Variants in SKA2 observed in about 807,000 individuals in gnomAD.
The protein encoded by SKA2 is spindle and kinetochore-associated protein 2.
A neutral mutation model predicts 16.9 loss-of-function variants in SKA2; 13 were observed. The observed-to-expected ratio is 0.77, with a 90% confidence interval of 0.50 to 1.22. The LOEUF (loss-of-function observed/expected upper bound fraction) is 1.22, where lower values mean the gene tolerates loss of function less well. SKA2 is among the 50% of genes most tolerant of loss of function. The pLI is 0.00. For synonymous variants in SKA2, 47 were observed against 48.5 expected, an observed-to-expected ratio of 0.97 and a Z score of 0.13; for missense variants, 107 against 139.7, an observed-to-expected ratio of 0.77 and a Z score of 1.18.
At chr17:59,146,336 T>TA (rs1279613070) in intron 1 of SKA2, among the ~76,000 whole-genome samples, 2 of 151,994 alleles carry the variant, frequency 1.3e-5, no homozygotes, top group African/African-American at 4.8e-5. Context: ...CCGTCACTAC[T>TA]AAAAATACAA....
At chr17:59,134,231 A>C (rs148447832) in intron 1 of SKA2, among the ~76,000 whole-genome samples, 24 of 152,330 alleles carry the variant, frequency 1.6e-4, no homozygotes, top group African/African-American at 5.8e-4. Context: ...AGAGCAAATC[A>C]AAGTTAACAA....
At chr17:59,154,849 C>T (rs982296200) in intron 1 of SKA2, 1 of 1,238,820 alleles carries the variant, frequency 8.1e-7, no homozygotes, top group Non-Finnish European at 1.1e-6. Context: ...GGCGCAGTTT[C>T]GTAAGGGGTG....
chr17:59,110,747 C>G lies in SKA2; in HGVS notation c.*1530G>C, dbSNP rs1372817368. 2 of 146,342 alleles carry G rather than the reference C, an allele frequency of 1.4e-5. No homozygotes were observed. Among genetic ancestry groups the G allele is most frequent in the African/African-American group, 2.6e-5 (1 of 38,910 alleles). The allele number at this position is 146,342 out of a possible 1,614,324, so 9.1% of individuals were successfully genotyped here. On this transcript the variant is annotated 3_prime_UTR_variant, in exon 4 of 4. Coordinates refer to ENST00000330137, the MANE Select transcript of SKA2 (RefSeq NM_182620.4). ...GAGGTTGCAGTGAGCTGAGAGCGTA[C>G]CACTGCATTCCAGCCTGGGCAACAG... is the stretch of plus-strand genomic sequence containing the variant.
rs191435254 is a variant in SKA2 at position 59,150,705 on chromosome 17, G to A, written c.33+4426C>T. Among the ~76,000 whole-genome samples, 21 of 152,174 alleles carry A rather than the reference G, an allele frequency of 1.4e-4. No individual in the cohort carries two copies. In the East Asian group the frequency reaches 3.9e-3, roughly 28 times the overall value. On this transcript the variant is annotated intron_variant, in intron 1 of 3. Transcript: ENST00000330137. ...TGCAGTGAGGTGTAACTGGGCCACT[G>A]CACTCCAGCCTGGGCAACAGAGAAA... is the stretch of plus-strand genomic sequence containing the variant.
rs1012870500 is a variant in SKA2, at chr17:59,136,258, G to A, written c.34-4891C>T. On this transcript the variant is annotated intron_variant, in intron 1 of 3. Transcript: ENST00000330137. ...GCTCACTGCAACCTCTACCTCCCAG[G>A]TTCAAGAGATTCTCCTGCCTCAGCC... Among the ~76,000 whole-genome samples the A allele has an allele frequency of 3.3e-5, 5 of 151,974 alleles. No homozygotes were observed. The South Asian group carries it at 8.3e-4, about 25-fold the overall frequency.
intron 2 of SKA2, among the ~76,000 whole-genome samples, chr17:59,127,909 G>A (rs2046382633): frequency 1.3e-5 from 2 of 152,130 alleles, no homozygotes; most frequent in Non-Finnish European, 2.9e-5. Flanking sequence ...ACCATCAACT[G>A]ATGACTGGAT....
At chr17:59,140,387 C>A (rs977611352) in intron 1 of SKA2, among the ~76,000 whole-genome samples, 1 of 151,998 alleles carries the variant, frequency 6.6e-6, no homozygotes, top group African/African-American at 2.4e-5. Flanking sequence ...TGCCACCATG[C>A]CTGGCTAATT....
chr17:59,119,304 A>C lies in SKA2; in HGVS notation c.297+15T>G. 6.2e-7 allele frequency: 1 copy of C among 1,612,464 alleles called. No homozygotes were observed. The highest frequency in any genetic ancestry group is 1.1e-5 in the South Asian group (1 of 90,872). The stretch of plus-strand genomic sequence containing the variant: ...TAAAGCTAAACAAATCTAACCTGTC[A>C]ACTGAAAGCATTACCTCCAGGTCTG... On this transcript the variant is annotated intron_variant, in intron 3 of 3. Transcript: ENST00000330137.
intron 1 of SKA2, 58 bp downstream of exon 1, chr17:59,155,073 T>C: frequency 6.2e-7 from 1 of 1,613,986 alleles, no homozygotes. Flanking sequence ...GTGCCCCACC[T>C]CCGAGGCCAT....
chr17:59,154,578 A>T (rs1287242333), intron 1 of SKA2, among the ~76,000 whole-genome samples: 1 of 152,148 alleles, frequency 6.6e-6, no homozygotes, highest in Non-Finnish European at 1.5e-5. Context: ...CCACCTCCGG[A>T]TCAAACAGAA....
At chr17:59,150,995 GTTTT>G in intron 1 of SKA2, 2 of 310,716 alleles carry the variant, frequency 6.4e-6, no homozygotes, top group South Asian at 5.1e-5. Flanking sequence ...TAGTTAAAAG[GTTTT>G]TTTTTTTCAA....
intron 2 of SKA2, chr17:59,129,247 A>AGG (rs2046393027): frequency 6.6e-6 from 1 of 151,854 alleles, no homozygotes; most frequent in Admixed American, 6.6e-5. Context: ...CACTTGGCGG[A>AGG]CTGAGGTGGG....
At chr17:59,147,753 C>T (rs1293347442) in intron 1 of SKA2, among the ~76,000 whole-genome samples, 2 of 150,066 alleles carry the variant, frequency 1.3e-5, no homozygotes, top group Admixed American at 6.7e-5. Context: ...TGTGAGCCAC[C>T]GTGCCTGGCC....
intron 2 of SKA2, among the ~76,000 whole-genome samples, chr17:59,126,773 C>T (rs1296131832): frequency 6.6e-6 from 1 of 152,012 alleles, no homozygotes; most frequent in Non-Finnish European, 1.5e-5. Flanking sequence ...GGGTATAAAC[C>T]CGAAAGTTGA....
chr17:59,129,291 G>C (rs2046393317), intron 2 of SKA2: 1 of 151,812 alleles, frequency 6.6e-6, no homozygotes, highest in Non-Finnish European at 1.5e-5. Context: ...CAAGGCTGAA[G>C]TGAGCTGAGA....
At chr17:59,154,332 C>T (rs2046603570) in intron 1 of SKA2, among the ~76,000 whole-genome samples, 1 of 152,146 alleles carries the variant, frequency 6.6e-6, no homozygotes, top group South Asian at 2.1e-4. Flanking sequence ...GGGACGGATC[C>T]TTAAAGAAAA....
At chr17:59,117,881 T>C (rs988275735) in intron 3 of SKA2, 36 of 152,210 alleles carry the variant, frequency 2.4e-4, no homozygotes, top group African/African-American at 8.4e-4. Flanking sequence ...AAGTAAAAGC[T>C]CCCTTAGTTT....
At chr17:59,147,829 C>CAA (rs536221750) in intron 1 of SKA2, among the ~76,000 whole-genome samples, 10 of 105,190 alleles carry the variant, frequency 9.5e-5, no homozygotes, top group African/African-American at 2.7e-4. Context: ...TTGTTTTAAG[C>CAA]AAAAAAAAAA....
At chr17:59,149,868 G>C (rs1447452206) in intron 1 of SKA2, among the ~76,000 whole-genome samples, 1 of 152,098 alleles carries the variant, frequency 6.6e-6, no homozygotes. Flanking sequence ...CCAGGGACTT[G>C]GGGAAGAAGA....
Sources: gnomAD v4.1 joint callset for allele counts (sites outside exome capture counted in the v4.1 genomes callset) on GRCh38, gnomAD v4.1.1 for gene constraint, MANE v1.5 for transcripts, NCBI Gene and HGNC (gene_info 2026-07-23, HGNC 2026-07-21) for gene names.